The following SPATA6 variants were observed in gnomAD, a reference collection of about 807,000 sequenced individuals.
The protein encoded by SPATA6 is spermatogenesis associated 6, also known as spermatogenesis-associated protein 6.
SPATA6 carries 56 observed loss-of-function variants against 65.3 expected under a neutral mutation model. That is an observed-to-expected ratio of 0.86 (90% confidence interval 0.69 to 1.07). The LOEUF is 1.07. Ranked by LOEUF, SPATA6 falls within the 50% of genes least tolerant of loss-of-function variation. The pLI is 0.00. For missense variants in SPATA6, 590 were observed against 594.8 expected, an observed-to-expected ratio of 0.99 and a Z score of 0.08; for synonymous variants, 199 against 213.2, an observed-to-expected ratio of 0.93 and a Z score of 0.58.
downstream of SPATA6, chr1:48,295,349 A>C (rs143494354): frequency 2.6e-5 from 4 of 152,334 alleles, no homozygotes; most frequent in East Asian, 7.7e-4. Flanking sequence ...ATATCTATCA[A>C]TTGAATGGAT....
chr1:48,323,573 A>C (rs1191360796), intron 11 of SPATA6, among the ~76,000 whole-genome samples: 3 of 152,010 alleles, frequency 2.0e-5, no homozygotes, highest in South Asian at 2.1e-4. Flanking sequence ...ATAATAAAAA[A>C]GAAAGGATAA....
intron 1 of SPATA6, among the ~76,000 whole-genome samples, chr1:48,462,753 G>T (rs972991215): frequency 6.6e-6 from 1 of 152,176 alleles, no homozygotes; most frequent in East Asian, 1.9e-4. Flanking sequence ...TAGAGACCTT[G>T]TTCACTAGCT....
At chr1:48,393,254 C>A (rs187567113) in intron 8 of SPATA6, 20 of 152,236 alleles carry the variant, frequency 1.3e-4, no homozygotes, top group Admixed American at 1.2e-3. Flanking sequence ...ATACCACATA[C>A]CTCCTAGTGT....
rs773658904 is a variant in SPATA6, at chr1:48,403,858, A to C, written c.430T>G (p.Ser144Ala). 1.9e-6 allele frequency: 3 copies of C among 1,610,810 alleles called. No homozygotes were observed. The highest frequency in any genetic ancestry group is 2.5e-6 in the Non-Finnish European group (3 of 1,178,770). Residue 144 changes from serine (S) to alanine (A), a missense_variant, in exon 6 of 13, where the codon TCT becomes GCT. Coordinates refer to ENST00000371847, the MANE Select transcript of SPATA6 (RefSeq NM_019073.4). ...CATTCAGTAATCACTGAAGTCGTAG[A>C]AAATTCCAGCCTTGGAGCATTTCCC... ...LRGNAPRLEF[S>A]TTSVITECLI...
chr1:48,469,230 T>A (rs1207727051), intron 1 of SPATA6, among the ~76,000 whole-genome samples: 1 of 152,168 alleles, frequency 6.6e-6, no homozygotes, highest in Non-Finnish European at 1.5e-5. Context: ...ATAAAAAATT[T>A]ATACATAAAC....
In SPATA6 at chr1:48,295,815, ATCAGAAAACAAC is replaced by A. The variant is rs1275658743; in HGVS notation, c.*2886_*2897del. ...TTCATCAGGGGCTTAATCTTTGGAA[ATCAGAAAACAAC>A]TCTGCCTGCCTAGGACTTCCTGATC... is the stretch of plus-strand genomic sequence containing the variant. On this transcript the variant is annotated 3_prime_UTR_variant, in exon 13 of 13. Coordinates refer to ENST00000371847, the MANE Select transcript of SPATA6 (RefSeq NM_019073.4). The A allele has an allele frequency of 1.3e-5, 2 of 152,184 alleles. No individual in the cohort carries two copies. The highest frequency in any genetic ancestry group is 2.9e-5 in the Non-Finnish European group (2 of 68,018). 9.4% of individuals were successfully genotyped at this position (152,184 alleles called of 1,614,324 possible).
rs1651416901 is a variant in SPATA6 at position 48,403,814 on chromosome 1, T to C, written c.474A>G (p.Lys158=). ...VITECLISSR[K]CHTQDKFIYH... ...AAATAATTTTAACCTGAGTGTGGCA[T>C]TTCCTTGAACTTATCAGACATTCAG... Residue 158 remains lysine (K), a synonymous_variant, in exon 6 of 13, where the codon AAA becomes AAG. Transcript: ENST00000371847. 6.2e-7 allele frequency: 1 copy of C among 1,606,226 alleles called. No individual in the cohort carries two copies. The highest frequency in any genetic ancestry group is 1.3e-5 in the African/African-American group (1 of 74,540).
chr1:48,313,155 C>G (rs1645277598), intron 11 of SPATA6, among the ~76,000 whole-genome samples: 1 of 152,174 alleles, frequency 6.6e-6, no homozygotes, highest in Admixed American at 6.5e-5. Context: ...CCCAGTCTAG[C>G]AATGCAGGCT....
At chr1:48,407,929 T>A (rs1651857333) in intron 5 of SPATA6, among the ~76,000 whole-genome samples, 1 of 152,244 alleles carries the variant, frequency 6.6e-6, no homozygotes. Flanking sequence ...TACAGAATTT[T>A]AAATTACATT....
At chr1:48,411,325 G>T in intron 5 of SPATA6, 139 bp downstream of exon 5, 1 of 973,470 alleles carries the variant, frequency 1.0e-6, no homozygotes, top group Non-Finnish European at 1.4e-6. Context: ...AAACAATTAA[G>T]ATTTAAACTA....
intron 12 of SPATA6, among the ~76,000 whole-genome samples, chr1:48,302,280 C>T (rs867200340): frequency 2.0e-5 from 3 of 152,170 alleles, no homozygotes; most frequent in Admixed American, 6.5e-5. Flanking sequence ...TACATAATGG[C>T]GAATCTGGGC....
intron 9 of SPATA6, among the ~76,000 whole-genome samples, chr1:48,368,912 C>T (rs1647130856): frequency 6.6e-6 from 1 of 152,088 alleles, no homozygotes; most frequent in Admixed American, 6.5e-5. Flanking sequence ...GTTTTTTCCC[C>T]ATCTTTGTGG....
chr1:48,461,296 T>C (rs925767490), intron 1 of SPATA6, among the ~76,000 whole-genome samples: 1 of 152,190 alleles, frequency 6.6e-6, no homozygotes, highest in Non-Finnish European at 1.5e-5. Context: ...GTTGCCTGTT[T>C]ACTCTGATGG....
intron 11 of SPATA6, among the ~76,000 whole-genome samples, chr1:48,339,976 A>G (rs1646164736): frequency 6.6e-6 from 1 of 151,998 alleles, no homozygotes; most frequent in Non-Finnish European, 1.5e-5. Flanking sequence ...AAGCAGGTTA[A>G]TACATAAAAC....
At chr1:48,471,161 C>G (rs1224334777) in intron 1 of SPATA6, among the ~76,000 whole-genome samples, 2 of 152,198 alleles carry the variant, frequency 1.3e-5, no homozygotes, top group Admixed American at 1.3e-4. Context: ...AGCCCCTTCA[C>G]TGGATGAGTG....
chr1:48,286,182 G>T, the SPATA6 span, among the ~76,000 whole-genome samples: 1 of 151,462 alleles, frequency 6.6e-6, no homozygotes, highest in African/African-American at 2.4e-5. Context: ...ATGAATTTTA[G>T]GAATTTTTTT....
intron 11 of SPATA6, among the ~76,000 whole-genome samples, chr1:48,317,813 T>C (rs1645483376): frequency 6.6e-6 from 1 of 152,162 alleles, no homozygotes; most frequent in South Asian, 2.1e-4. Flanking sequence ...CACCAACTCA[T>C]TCTATAAGGT....
chr1:48,360,468 C>T (rs191322913), intron 9 of SPATA6, among the ~76,000 whole-genome samples: 9 of 151,980 alleles, frequency 5.9e-5, no homozygotes, highest in South Asian at 2.1e-4. Flanking sequence ...CAGTAAAGAC[C>T]GTAAGACCTA....
chr1:48,327,909 C>T (rs973726112), intron 11 of SPATA6, among the ~76,000 whole-genome samples: 3 of 152,028 alleles, frequency 2.0e-5, no homozygotes, highest in African/African-American at 7.2e-5. Context: ...TACACTAGAA[C>T]CACAATTTCC....
Sources: allele counts gnomAD v4.1 joint callset (sites outside exome capture counted in the v4.1 genomes callset), GRCh38; gene constraint gnomAD v4.1.1; transcripts MANE v1.5; gene names NCBI Gene and HGNC (gene_info 2026-07-23, HGNC 2026-07-21).